The following CERS3 variants were observed in gnomAD, a reference collection of about 807,000 sequenced individuals.
The protein encoded by CERS3 is ceramide synthase 3, also known as LAG1 homolog, ceramide synthase 3.
A neutral mutation model predicts 50.3 loss-of-function variants in CERS3; 33 were observed. That is an observed-to-expected ratio of 0.66 (90% confidence interval 0.50 to 0.88). The LOEUF (loss-of-function observed/expected upper bound fraction) is 0.88. Ranked by LOEUF, CERS3 falls within the 40% of genes least tolerant of loss-of-function variation. The pLI, the probability that CERS3 is intolerant of heterozygous loss-of-function variation, is 0.00. For synonymous variants in CERS3, 176 were observed against 155.2 expected, an observed-to-expected ratio of 1.13 and a Z score of -0.99; for missense variants, 470 against 460.3, an observed-to-expected ratio of 1.02 and a Z score of -0.19.
chr15:100,474,887 G>A (rs1411217469), intron 8 of CERS3, among the ~76,000 whole-genome samples: 1 of 152,184 alleles, frequency 6.6e-6, no homozygotes, highest in Non-Finnish European at 1.5e-5. Context: ...TCCAGGGCCT[G>A]TGCTTTAGCC....
intron 2 of CERS3, among the ~76,000 whole-genome samples, 166 bp from the exon 3 acceptor site, chr15:100,502,016 G>A (rs764599823): frequency 1.3e-5 from 2 of 152,064 alleles, no homozygotes; most frequent in Non-Finnish European, 2.9e-5. Context: ...GGAGACCAAG[G>A]CGGGCGGATC....
At chr15:100,497,306 A>ATGTG (rs139734142) in intron 3 of CERS3, among the ~76,000 whole-genome samples, 12,204 of 145,854 alleles carry the variant, frequency 0.084, 581 homozygotes, top group African/African-American at 0.12. Flanking sequence ...GCATATATGT[A>ATGTG]TGTGTGTGTG....
In CERS3 at chr15:100,402,844, C is replaced by T. The variant is rs886192195; in HGVS notation, c.1021G>A (p.Asp341Asn). The part of the protein sequence containing the change: ...FMKSIQDVRS[D>N]DEDYEEEEEE... ...TCTTCCTCTTCATAATCCTCGTCAT[C>T]ACTCCTCACATCCTGGATGCTCTAG... The change falls in exon 12 of 12, where the codon GAT becomes AAT. Residue 341 changes from aspartate to asparagine, a missense_variant. By Grantham distance (23) the Asp-to-Asn change is conservative. Transcript: ENST00000679737. 1 of 1,607,096 alleles carries T rather than the reference C, an allele frequency of 6.2e-7. No homozygotes were observed. Among genetic ancestry groups the T allele is most frequent in the African/African-American group, 1.3e-5 (1 of 74,982 alleles).
chr15:100,470,103 GT>G (rs2034915862), intron 9 of CERS3, among the ~76,000 whole-genome samples: 1 of 152,236 alleles, frequency 6.6e-6, no homozygotes, highest in African/African-American at 2.4e-5. Context: ...GCTGAGTGTG[GT>G]AGAAGACAGT....
chr15:100,463,786 T>A (rs1269087652), intron 10 of CERS3, among the ~76,000 whole-genome samples: 2 of 152,192 alleles, frequency 1.3e-5, no homozygotes, highest in African/African-American at 2.4e-5. Context: ...GCCTTGTACC[T>A]TCCTTTTCTT....
At position 100,402,806 on chromosome 15, in the gene CERS3, TTCTTCC is replaced by T. The variant is rs541833197; in HGVS notation, c.1053_1058del (p.Glu354_Glu355del). On this transcript the variant is annotated inframe_deletion, in exon 12 of 12. Coordinates refer to ENST00000679737, the MANE Select transcript of CERS3 (RefSeq NM_001378789.1). ...TCTCTTTGCCTTTGGTAGCCTCTTC[TTCTTCC>T]TCTTCCTCTTCCTCTTCATAATCCT... 3.4e-4 allele frequency: 556 copies of T among 1,613,990 alleles called. 1 individual carries two copies. In the African/African-American group the frequency reaches 3.5e-3, roughly 10 times the overall value.
chr15:100,502,179 A>G (rs2036024655), intron 2 of CERS3, among the ~76,000 whole-genome samples: 1 of 140,638 alleles, frequency 7.1e-6, no homozygotes, highest in South Asian at 2.5e-4. Context: ...CAGGAGGCGG[A>G]GTTTGCAGTG....
At chr15:100,432,642 T>A (rs2033191652) in intron 11 of CERS3, among the ~76,000 whole-genome samples, 1 of 152,118 alleles carries the variant, frequency 6.6e-6, no homozygotes, top group South Asian at 2.1e-4. Flanking sequence ...GGTATAACAT[T>A]TAAATAATCT....
At chr15:100,477,329 G>A (rs538528369) in intron 7 of CERS3, among the ~76,000 whole-genome samples, 14 of 152,220 alleles carry the variant, frequency 9.2e-5, no homozygotes, top group African/African-American at 1.9e-4. Flanking sequence ...TGAGGCTAAC[G>A]TATAACGAAT....
chr15:100,469,511 A>C (rs751778100), intron 9 of CERS3, 27 bp from the exon 10 acceptor site: 1 of 1,463,764 alleles, frequency 6.8e-7, no homozygotes, highest in East Asian at 2.3e-5. Context: ...AACTGCAGAT[A>C]AAGTGACAAT....
At chr15:100,483,868 C>T in intron 5 of CERS3, among the ~76,000 whole-genome samples, 1 of 145,328 alleles carries the variant, frequency 6.9e-6, no homozygotes, top group African/African-American at 2.6e-5. Context: ...GCAAGCTCCG[C>T]CTCCCAGGTT....
intron 2 of CERS3, among the ~76,000 whole-genome samples, chr15:100,520,159 C>G (rs932302809): frequency 2.6e-5 from 4 of 152,180 alleles, no homozygotes; most frequent in African/African-American, 9.7e-5. Context: ...AATGCTAGGC[C>G]TGGAGAAGGC....
At chr15:100,436,867 CAGAG>C (rs1465834570) in intron 11 of CERS3, among the ~76,000 whole-genome samples, 2 of 151,226 alleles carry the variant, frequency 1.3e-5, no homozygotes, top group Admixed American at 1.3e-4. Flanking sequence ...TCATCAGCAA[CAGAG>C]AGAGACACTG....
At chr15:100,513,519 G>T (rs1407385311) in intron 2 of CERS3, among the ~76,000 whole-genome samples, 1 of 146,994 alleles carries the variant, frequency 6.8e-6, no homozygotes, top group Non-Finnish European at 1.5e-5. Context: ...AAAGCAAAAG[G>T]CAAAGTTCTT....
rs68159909 is a variant in CERS3, at chr15:100,528,893, C to A, written c.-172G>T. 13,193 of 152,252 alleles carry A rather than the reference C, an allele frequency of 0.087. 654 individuals are homozygous for A. Among genetic ancestry groups the A allele is most frequent in the Admixed American group, 0.13 (2,015 of 15,292 alleles). The allele number at this position is 152,252 out of a possible 1,614,324, so 9.4% of individuals were successfully genotyped here. ...GAGCAGCTTCCAACGTTCCAACCAG[C>A]TTCGTTCTCCTCAGAGAGCAGCACA... On this transcript the variant is annotated 5_prime_UTR_variant, in exon 1 of 12. Transcript: ENST00000679737.
At chr15:100,507,189 T>G (rs2036210041) in intron 2 of CERS3, among the ~76,000 whole-genome samples, 1 of 152,182 alleles carries the variant, frequency 6.6e-6, no homozygotes, top group Non-Finnish European at 1.5e-5. Context: ...GACTTTAAAT[T>G]TTATGACTTT....
chr15:100,475,148 C>T (rs905787767), intron 8 of CERS3, among the ~76,000 whole-genome samples: 25 of 152,070 alleles, frequency 1.6e-4, no homozygotes, highest in African/African-American at 6.0e-4. Flanking sequence ...GTATTCCTAG[C>T]CTAAAGTTAG....
At chr15:100,474,467 C>T (rs563216110) in intron 8 of CERS3, among the ~76,000 whole-genome samples, 17 of 151,734 alleles carry the variant, frequency 1.1e-4, no homozygotes, top group South Asian at 4.2e-4. Context: ...TGCAGTGGTG[C>T]GATCTTGGCT....
rs1252071609 is a variant in CERS3 at position 100,402,498 on chromosome 15, TCTGAGTC to T, written c.*208_*214del. On this transcript the variant is annotated 3_prime_UTR_variant, in exon 12 of 12. Coordinates refer to ENST00000679737, the MANE Select transcript of CERS3 (RefSeq NM_001378789.1). ...AGAAATCTTTGAAATCTTTGACCAG[TCTGAGTC>T]CTAACTGCAGTAAAAATCCATGGGC... The T allele has an allele frequency of 1.8e-6, 1 of 551,920 alleles. No individual in the cohort carries two copies. Among genetic ancestry groups the T allele is most frequent in the African/African-American group, 1.9e-5 (1 of 52,634 alleles). 34.2% of individuals were successfully genotyped at this position (551,920 alleles called of 1,614,324 possible).
Sources: gnomAD v4.1 joint callset for allele counts (sites outside exome capture counted in the v4.1 genomes callset) on GRCh38, gnomAD v4.1.1 for gene constraint, MANE v1.5 for transcripts, NCBI Gene and HGNC (gene_info 2026-07-23, HGNC 2026-07-21) for gene names.